Variants in TDRD10 observed in about 807,000 individuals in gnomAD.
TDRD10 encodes the protein tudor domain-containing protein 10.
Under a neutral mutation model 48.0 loss-of-function variants are expected in TDRD10, and 40 were observed. The ratio of observed to expected loss-of-function variants is 0.83; its 90% CI spans 0.65 to 1.09. TDRD10 has a LOEUF of 1.09. Among genes scored for constraint, TDRD10 ranks in the 50% least tolerant of loss-of-function variants. The probability of loss-of-function intolerance (pLI) is 0.00; values close to 1 mark genes in which losing one functional copy is unlikely to be tolerated. For synonymous variants in TDRD10, 162 were observed against 170.4 expected, an observed-to-expected ratio of 0.95 and a Z score of 0.38; for missense variants, 378 against 434.7, an observed-to-expected ratio of 0.87 and a Z score of 1.16.
At chr1:154,519,499 G>T (rs1693940668) in intron 4 of TDRD10, among the ~76,000 whole-genome samples, 1 of 152,140 alleles carries the variant, frequency 6.6e-6, no homozygotes, top group Non-Finnish European at 1.5e-5. Flanking sequence ...AGGGGTGCAG[G>T]CAGGAGGTGA....
chr1:154,517,152 G>A (rs1693812472), intron 4 of TDRD10, among the ~76,000 whole-genome samples: 1 of 152,158 alleles, frequency 6.6e-6, no homozygotes, highest in Admixed American at 6.5e-5. Context: ...GCTGTCATTT[G>A]GGGGTAGGCA....
Position 154,520,373 on chromosome 1 carries a change from T to A in TDRD10, c.211T>A (p.Cys71Ser), listed in dbSNP as rs781435302. The change falls in exon 5 of 13, where the codon TGC becomes AGC. Residue 71 changes from cysteine (C) to serine (S), a missense_variant and splice_region_variant. Physicochemically the swap from Cys to Ser is moderately radical, Grantham distance 112. Around this residue, in one of 2 missense-constraint regions of TDRD10, gnomAD observed 310 missense variants for 323.6 expected, o/e 0.96. Transcript: ENST00000368482. The stretch of plus-strand genomic sequence containing the variant: ...CCACAAAATCCAGAATGGCTGCAAA[T>A]GGTAATGACTGTTCTTTCTTTGTTT... ...DVHKIQNGCKCFAFVDLGSMQ... is the reference protein window; with the variant it reads ...DVHKIQNGCKSFAFVDLGSMQ... 3 of 1,611,972 alleles carry A rather than the reference T, an allele frequency of 1.9e-6. No individual in the cohort carries two copies. The Admixed American group carries it at 5.0e-5, about 27-fold the overall frequency.
At chr1:154,506,823 T>C (rs1324189669) in intron 1 of TDRD10, 54 bp from the exon 2 acceptor site, 26 of 1,495,694 alleles carry the variant, frequency 1.7e-5, no homozygotes, top group African/African-American at 4.1e-5. Context: ...TCGGTGGTTA[T>C]ATGATGGTGA....
intron 6 of TDRD10, among the ~76,000 whole-genome samples, chr1:154,529,246 C>T (rs1339382786): frequency 1.3e-5 from 2 of 151,866 alleles, no homozygotes; most frequent in Non-Finnish European, 2.9e-5. Context: ...CACCCAGCTA[C>T]TTTTGTATTT....
At chr1:154,517,833 C>T (rs929693796) in intron 4 of TDRD10, among the ~76,000 whole-genome samples, 1 of 152,178 alleles carries the variant, frequency 6.6e-6, no homozygotes, top group East Asian at 1.9e-4. Flanking sequence ...GTACGCATAT[C>T]GGTGTGCGAG....
intron 6 of TDRD10, among the ~76,000 whole-genome samples, chr1:154,533,740 C>A (rs560746415): frequency 1.3e-5 from 2 of 152,094 alleles, no homozygotes; most frequent in Admixed American, 6.5e-5. Flanking sequence ...TGGGCTCAAG[C>A]AGTCCTGCCT....
intron 6 of TDRD10, among the ~76,000 whole-genome samples, chr1:154,522,923 CTT>C (rs932816781): frequency 6.7e-6 from 1 of 149,492 alleles, no homozygotes; most frequent in African/African-American, 2.5e-5. Flanking sequence ...ACCATTGTAT[CTT>C]TTTTTTTTGA....
chr1:154,527,423 T>C (rs868100464), intron 6 of TDRD10, among the ~76,000 whole-genome samples: 1 of 152,358 alleles, frequency 6.6e-6, no homozygotes. Flanking sequence ...CTGGGACAAT[T>C]GCTTATTCAT....
rs6672087 is a variant in TDRD10, at chr1:154,543,646, A to G, written c.504-317A>G. ...CTCGTGAATCACTTAGGAGGCCCCA[A>G]ATCTACCCATTGAGGACTTTTATCC... On this transcript the variant is annotated intron_variant, in intron 8 of 12. Transcript: ENST00000368482. 3.9e-5 allele frequency among the ~76,000 whole-genome samples: 6 copies of G among 152,030 alleles called. No homozygotes were observed. The East Asian group carries it at 9.7e-4, about 25-fold the overall frequency.
chr1:154,508,428 A>G lies in TDRD10; in HGVS notation c.88A>G (p.Lys30Glu). The G allele has an allele frequency of 6.2e-7, 1 of 1,608,090 alleles. No homozygotes were observed. The part of the protein sequence containing the change: ...VLEEQKSPGF[K>E]KRETEVYVGN... ...AATGCTGTTTTTCTTCTTAGGATTC[A>G]AGAAAAGAGAGACAGAGGTGTATGT... The change falls in exon 4 of 13, where the codon AAG becomes GAG. Residue 30 changes from lysine (K) to glutamate (E), a missense_variant. By Grantham distance (56) the Lys-to-Glu change is moderately conservative. Coordinates refer to ENST00000368482, the MANE Select transcript of TDRD10 (RefSeq NM_182499.4).
Position 154,544,109 on chromosome 1 carries a change from A to C in TDRD10, c.650A>C (p.Glu217Ala). The C allele has an allele frequency of 6.2e-7, 1 of 1,613,980 alleles. No individual in the cohort carries two copies. Among genetic ancestry groups the C allele is most frequent in the South Asian group, 1.1e-5 (1 of 91,070 alleles). The change falls in exon 9 of 13, where the codon GAG (glutamate) becomes GCG (alanine). Residue 217 changes from glutamate to alanine, a missense_variant and splice_region_variant. By Grantham distance (107) the Glu-to-Ala change is moderately radical. Transcript: ENST00000368482. ...TTTTTCTGGGCTATGCACGTCACTG[A>C]GGTATGGACTGGTTGTTGGCCCCCT... ...TPFFWAMHVT[E>A]ALHQNMQALF...
intron 4 of TDRD10, among the ~76,000 whole-genome samples, chr1:154,516,448 C>A (rs1693773419): frequency 1.3e-5 from 2 of 152,130 alleles, no homozygotes; most frequent in South Asian, 4.2e-4. Context: ...GGAAGTTCTC[C>A]TTTGGTTGCT....
rs368614573 is a variant in TDRD10 at position 154,507,099 on chromosome 1, T to C, written c.3-142T>C. ...GTGGAGGGCTTCCTGGCTTGGAACC[T>C]GATTCTGGGAGGAGGAAGGGAAGCC... On this transcript the variant is annotated intron_variant, in intron 2 of 12. Coordinates refer to ENST00000368482, the MANE Select transcript of TDRD10 (RefSeq NM_182499.4). The C allele has an allele frequency of 7.8e-4, 1,189 of 1,524,668 alleles. 20 individuals carry two copies. In the South Asian group the frequency reaches 0.015, roughly 19 times the overall value. 94.4% of individuals were successfully genotyped at this position (1,524,668 alleles called of 1,614,324 possible). A position where few individuals can be genotyped will look rare whatever the true frequency, so the allele number is the denominator to read the frequency against.
rs1163999539 is a variant in TDRD10 at position 154,529,849 on chromosome 1, TCTTA to T, written c.369+8374_369+8377del. Among the ~76,000 whole-genome samples the T allele has an allele frequency of 5.3e-5, 8 of 152,272 alleles. No individual in the cohort carries two copies. In the South Asian group the frequency reaches 1.7e-3, roughly 32 times the overall value. Reference sequence around the variant, plus strand: ...TGTGAGCTACTGCGCCCAGCTTCTTTCTTACTTTGTAATGTCCCAAAGTTCTACC... The same window carrying T: ...TGTGAGCTACTGCGCCCAGCTTCTTTCTTTGTAATGTCCCAAAGTTCTACC... On this transcript the variant is annotated intron_variant, in intron 6 of 12. Transcript: ENST00000368482.
intron 6 of TDRD10, among the ~76,000 whole-genome samples, chr1:154,537,353 A>AG (rs1359516814): frequency 1.3e-5 from 2 of 152,320 alleles, no homozygotes; most frequent in African/African-American, 4.8e-5. Flanking sequence ...GGGTGACTAA[A>AG]GGGGGGCTCC....
In TDRD10 at chr1:154,502,815, G is replaced by C. The variant is rs1210756125; in HGVS notation, c.-242G>C. 6.6e-6 allele frequency: 1 copy of C among 152,314 alleles called. No homozygotes were observed. Among genetic ancestry groups the C allele is most frequent in the Admixed American group, 6.5e-5 (1 of 15,288 alleles). The allele number at this position is 152,314 out of a possible 1,614,324, so 9.4% of individuals were successfully genotyped here. ...TTGCGGCCCGAGGTCCGGGCGCAGG[G>C]ACAACGGTCGCCAGCTCCTGCGCTA... On this transcript the variant is annotated 5_prime_UTR_variant, in exon 1 of 13. Transcript: ENST00000368482.
intron 6 of TDRD10, among the ~76,000 whole-genome samples, chr1:154,524,430 G>A (rs543928412): frequency 6.6e-6 from 1 of 152,270 alleles, no homozygotes; most frequent in South Asian, 2.1e-4. Context: ...GCCTCTCAAA[G>A]TGCTGGGATT....
At chr1:154,515,267 G>A (rs1693698215) in intron 4 of TDRD10, among the ~76,000 whole-genome samples, 1 of 151,990 alleles carries the variant, frequency 6.6e-6, no homozygotes, top group Admixed American at 6.6e-5. Flanking sequence ...CAAAGTGCTG[G>A]GATTACAGGT....
chr1:154,509,824 A>G, intron 4 of TDRD10: 1 of 985,372 alleles, frequency 1.0e-6, no homozygotes, highest in Non-Finnish European at 1.2e-6. Flanking sequence ...TTGACAGTGA[A>G]GTGGGCAGAG....
Sources: allele counts gnomAD v4.1 joint callset (sites outside exome capture counted in the v4.1 genomes callset), GRCh38; gene constraint gnomAD v4.1.1; regional missense constraint gnomAD v4.1.1; transcripts MANE v1.5; gene names NCBI Gene and HGNC (gene_info 2026-07-23, HGNC 2026-07-21).